Variants in FAM222B observed in about 807,000 individuals in gnomAD.
FAM222B encodes protein FAM222B.
A neutral mutation model predicts 38.0 loss-of-function variants in FAM222B; 12 were observed. The ratio of observed to expected loss-of-function variants is 0.32; its 90% CI spans 0.20 to 0.51. The LOEUF is 0.51. Ranked by LOEUF, FAM222B falls within the 20% of genes least tolerant of loss-of-function variation. The pLI is 0.97. For missense variants in FAM222B, 716 were observed against 754.2 expected (o/e 0.95, Z 0.59); for synonymous variants, 329 against 317.2 (o/e 1.04, Z -0.40).
chr17:28,840,854 G>A (rs2152630253), intron 1 of FAM222B, among the ~76,000 whole-genome samples: 1 of 151,878 alleles, frequency 6.6e-6, no homozygotes, highest in South Asian at 2.1e-4. Context: ...CCAGGTACTA[G>A]GGAGGCTGAG....
In FAM222B at chr17:28,764,255, G is replaced by C. The variant is rs573881968; in HGVS notation, c.82+2331C>G. 5.4e-5 allele frequency among the ~76,000 whole-genome samples: 7 copies of C among 128,630 alleles called. No individual in the cohort carries two copies. The South Asian group carries it at 8.2e-4, about 15-fold the overall frequency. The allele number at this position is 128,630 out of a possible 152,430, so 84.4% of individuals were successfully genotyped here. The stretch of plus-strand genomic sequence containing the variant: ...CCACTGCACTCCAGTCTGGGTGACA[G>C]AGGGAGACTCCATCTCAAAAAAAAA... On this transcript the variant is annotated intron_variant, in intron 2 of 2. Coordinates refer to ENST00000581407, the MANE Select transcript of FAM222B (RefSeq NM_001077498.3).
chr17:28,787,843 T>TTTTTTA (rs1555574961), intron 1 of FAM222B, among the ~76,000 whole-genome samples: 2 of 151,104 alleles, frequency 1.3e-5, no homozygotes, highest in African/African-American at 4.9e-5. Flanking sequence ...TTTTTTTTTT[T>TTTTTTA]GAGACGGAGT....
chr17:28,778,679 T>TTTG lies in FAM222B; in HGVS notation c.-40-11973_-40-11972insCAA, dbSNP rs1263328936. On this transcript the variant is annotated intron_variant, in intron 1 of 2. Transcript: ENST00000581407. ...TCATCATGCCTAGCTAATTTTTTTT[T>TTTG]TGTGTGTGTGTGTGTGTGTATATAT... is the stretch of plus-strand genomic sequence containing the variant. Among the ~76,000 whole-genome samples, 128 of 110,194 alleles carry TTTG rather than the reference T, an allele frequency of 1.2e-3. 1 individual carries two copies. Among genetic ancestry groups the TTTG allele is most frequent in the Non-Finnish European group, 1.8e-3 (107 of 58,448 alleles). 72.3% of individuals were successfully genotyped at this position (110,194 alleles called of 152,430 possible).
chr17:28,787,230 G>T (rs2151859125), intron 1 of FAM222B, among the ~76,000 whole-genome samples: 2 of 152,158 alleles, frequency 1.3e-5, no homozygotes, highest in South Asian at 4.2e-4. Flanking sequence ...AGCCCCCACT[G>T]TATCTTCTAT....
intron 1 of FAM222B, among the ~76,000 whole-genome samples, chr17:28,840,604 G>A (rs1598060418): frequency 1.3e-5 from 2 of 152,188 alleles, no homozygotes; most frequent in East Asian, 1.9e-4. Flanking sequence ...CCAAAACAGC[G>A]ACAGGTCCCC....
chr17:28,837,722 G>A lies in FAM222B; in HGVS notation c.-41+4960C>T, dbSNP rs549610702. ...GGGTGGAGTGCCATGGCATGAGCTC[G>A]GCTCATTACCACCTCCACCTCCTGG... On this transcript the variant is annotated intron_variant, in intron 1 of 2. Coordinates refer to ENST00000581407, the MANE Select transcript of FAM222B (RefSeq NM_001077498.3). Among the ~76,000 whole-genome samples, 21 of 151,240 alleles carry A rather than the reference G, an allele frequency of 1.4e-4. 1 individual carries two copies. Among genetic ancestry groups the A allele is most frequent in the Middle Eastern group, 3.4e-3 (1 of 292 alleles).
intron 1 of FAM222B, among the ~76,000 whole-genome samples, chr17:28,800,645 CT>C (rs1398862532): frequency 6.6e-6 from 1 of 152,028 alleles, no homozygotes; most frequent in East Asian, 1.9e-4. Flanking sequence ...AGTCAAAGGA[CT>C]TTTCTTAAAA....
chr17:28,763,936 T>C (rs2035203944), intron 2 of FAM222B, among the ~76,000 whole-genome samples: 1 of 152,076 alleles, frequency 6.6e-6, no homozygotes, highest in African/African-American at 2.4e-5. Flanking sequence ...TAAAAGAAGG[T>C]AATTTTGGCA....
chr17:28,817,768 G>A (rs757328384), intron 1 of FAM222B, among the ~76,000 whole-genome samples: 5 of 152,102 alleles, frequency 3.3e-5, no homozygotes, highest in Admixed American at 6.6e-5. Flanking sequence ...GCAGAGTAGA[G>A]AATCAAACCC....
chr17:28,766,776 G>C lies in FAM222B; in HGVS notation c.-40-69C>G, dbSNP rs1401412887. 3.4e-6 allele frequency: 3 copies of C among 875,174 alleles called. No individual in the cohort carries two copies. The African/African-American group carries it at 5.0e-5, about 15-fold the overall frequency. The allele number at this position is 875,174 out of a possible 1,614,324, so 54.2% of individuals were successfully genotyped here. ...TTCGAAGAAGAGAGTAGGAACACTG[G>C]ATATGACTGGCGTGAGGCCCAAGTT... is the stretch of plus-strand genomic sequence containing the variant. On this transcript the variant is annotated intron_variant, in intron 1 of 2. Coordinates refer to ENST00000581407, the MANE Select transcript of FAM222B (RefSeq NM_001077498.3).
chr17:28,844,636 C>G (rs1386918432), upstream of FAM222B, among the ~76,000 whole-genome samples: 1 of 151,540 alleles, frequency 6.6e-6, no homozygotes, highest in African/African-American at 2.4e-5. Context: ...CCAGCCTGGG[C>G]GACAGAGCGA....
At chr17:28,796,518 A>C (rs540520555) in intron 1 of FAM222B, among the ~76,000 whole-genome samples, 2 of 152,282 alleles carry the variant, frequency 1.3e-5, no homozygotes, top group South Asian at 4.1e-4. Context: ...CGCTAAAGTA[A>C]AGCACTGTGG....
intron 1 of FAM222B, among the ~76,000 whole-genome samples, chr17:28,796,629 A>C (rs2036950741): frequency 6.6e-6 from 1 of 152,166 alleles, no homozygotes; most frequent in Non-Finnish European, 1.5e-5. Context: ...CTACTGTTAT[A>C]CTAACAATTT....
At chr17:28,808,813 T>C (rs185717687) in intron 1 of FAM222B, among the ~76,000 whole-genome samples, 69 of 152,328 alleles carry the variant, frequency 4.5e-4, no homozygotes, top group Admixed American at 2.7e-3. Flanking sequence ...GACAGAGCAT[T>C]CTCAGAGTCT....
chr17:28,822,503 T>C (rs1014281774), intron 1 of FAM222B, among the ~76,000 whole-genome samples: 6 of 151,200 alleles, frequency 4.0e-5, no homozygotes, highest in Non-Finnish European at 5.9e-5. Flanking sequence ...CATAAGCCTG[T>C]AATCCCAGCA....
intron 1 of FAM222B, among the ~76,000 whole-genome samples, chr17:28,830,070 C>T (rs2038608626): frequency 6.6e-6 from 1 of 151,784 alleles, no homozygotes; most frequent in South Asian, 2.1e-4. Context: ...AGGATAGTCT[C>T]CATCTCCTGA....
chr17:28,797,731 T>C (rs151046915), intron 1 of FAM222B, among the ~76,000 whole-genome samples: 7 of 152,234 alleles, frequency 4.6e-5, no homozygotes, highest in South Asian at 2.1e-4. Context: ...TTGAGATAGG[T>C]TGGGTATGTA....
intron 1 of FAM222B, among the ~76,000 whole-genome samples, chr17:28,826,050 C>T (rs910160649): frequency 7.0e-6 from 1 of 142,572 alleles, no homozygotes; most frequent in South Asian, 2.3e-4. Flanking sequence ...CTGGGATTAC[C>T]GTGCCCGGCC....
intron 1 of FAM222B, among the ~76,000 whole-genome samples, chr17:28,780,368 A>G (rs957107681): frequency 6.6e-6 from 1 of 152,158 alleles, no homozygotes; most frequent in Non-Finnish European, 1.5e-5. Flanking sequence ...CATATAGAAA[A>G]CGCTAAAGAC....
Sources: gnomAD v4.1 joint callset for allele counts (sites outside exome capture counted in the v4.1 genomes callset) on GRCh38, gnomAD v4.1.1 for gene constraint, MANE v1.5 for transcripts, NCBI Gene and HGNC (gene_info 2026-07-23, HGNC 2026-07-21) for gene names.